PCSK5: variants seen among roughly 807,000 people sequenced by gnomAD.
PCSK5 encodes prohormone convertase 5.
A neutral mutation model predicts 233.2 loss-of-function variants in PCSK5; 129 were observed. The ratio of observed to expected loss-of-function variants is 0.55; its 90% CI spans 0.48 to 0.64. PCSK5 has a LOEUF of 0.64. Among genes scored for constraint, PCSK5 ranks in the 30% least tolerant of loss-of-function variants. The pLI is 0.00. For missense variants in PCSK5, 2,076 were observed against 2,430.1 expected (o/e 0.85, Z 3.06); for synonymous variants, 825 against 879.2 (o/e 0.94, Z 1.09).
intron 2 of PCSK5, among the ~76,000 whole-genome samples, chr9:75,955,783 G>A (rs1297442621): frequency 2.0e-5 from 3 of 152,066 alleles, no homozygotes; most frequent in Non-Finnish European, 2.9e-5. Context: ...ATACAAAGGA[G>A]TAAGTTTTTG....
intron 8 of PCSK5, among the ~76,000 whole-genome samples, chr9:76,103,974 C>T (rs1831873263): frequency 6.6e-6 from 1 of 152,086 alleles, no homozygotes; most frequent in African/African-American, 2.4e-5. Context: ...CTCTGTGTTC[C>T]CCACCCTATG....
intron 20 of PCSK5, among the ~76,000 whole-genome samples, chr9:76,215,514 C>T (rs1320594965): frequency 6.6e-6 from 1 of 152,120 alleles, no homozygotes; most frequent in Non-Finnish European, 1.5e-5. Context: ...TTGCTTGTTC[C>T]CTAGAGATGC....
chr9:76,193,241 G>A (rs775968230), intron 20 of PCSK5: 3 of 1,612,670 alleles, frequency 1.9e-6, no homozygotes, highest in Non-Finnish European at 2.5e-6. Flanking sequence ...GAAAAGCAAC[G>A]GAAGAGTCCT....
At chr9:76,228,115 G>A (rs942101867) in intron 21 of PCSK5, among the ~76,000 whole-genome samples, 14 of 151,724 alleles carry the variant, frequency 9.2e-5, no homozygotes, top group East Asian at 1.9e-4. Flanking sequence ...GATTATAGGC[G>A]CCCACCACCA....
intron 27 of PCSK5, among the ~76,000 whole-genome samples, chr9:76,301,519 T>A (rs568535110): frequency 1.3e-5 from 2 of 152,264 alleles, no homozygotes; most frequent in South Asian, 4.1e-4. Context: ...TGAATTACCA[T>A]CCATACAAAT....
intron 1 of PCSK5, among the ~76,000 whole-genome samples, chr9:75,911,272 T>C (rs1822727048): frequency 6.7e-6 from 1 of 149,422 alleles, no homozygotes; most frequent in Non-Finnish European, 1.5e-5. Context: ...AAATCTTATT[T>C]TGTTCAACCT....
intron 2 of PCSK5, among the ~76,000 whole-genome samples, chr9:75,965,823 G>C (rs545216377): frequency 7.4e-4 from 112 of 152,258 alleles, no homozygotes; most frequent in African/African-American, 2.5e-3. Flanking sequence ...CCAGTTGTTT[G>C]CTTTTTCAGT....
In PCSK5 at chr9:76,079,348, G is replaced by A. The variant is rs976560813; in HGVS notation, c.894+7450G>A. On this transcript the variant is annotated intron_variant, in intron 7 of 37. Transcript: ENST00000674117. Reference sequence around the variant, plus strand: ...CTGGGCATGTTTCACCATGTTGGCCGGGTTGGTCTCGAACTGCTGACCTCA... The same window carrying A: ...CTGGGCATGTTTCACCATGTTGGCCAGGTTGGTCTCGAACTGCTGACCTCA... Among the ~76,000 whole-genome samples, 11 of 151,758 alleles carry A rather than the reference G, an allele frequency of 7.2e-5. No individual in the cohort carries two copies. In the East Asian group the frequency reaches 9.7e-4, roughly 13 times the overall value.
chr9:75,900,010 T>G (rs1376056590), intron 1 of PCSK5, among the ~76,000 whole-genome samples: 2 of 152,148 alleles, frequency 1.3e-5, no homozygotes, highest in Non-Finnish European at 2.9e-5. Flanking sequence ...CACCAATGCT[T>G]GATTGAATAG....
chr9:76,358,556 G>A lies in PCSK5; in HGVS notation c.5298G>A (p.Glu1766=). Reference sequence around the variant, plus strand: ...CAAGCAAGGTTAGGCCTGCAACTGAGCATTTCAAGACAGCTCTGTTCATCA... The same window carrying A: ...CAAGCAAGGTTAGGCCTGCAACTGAACATTTCAAGACAGCTCTGTTCATCA... ...LRTSKVRPAT[E]HFKTALFITS... Residue 1766 remains glutamate (E), a synonymous_variant, in exon 38 of 38, where the codon GAG becomes GAA. Transcript: ENST00000674117. 1 of 1,612,732 alleles carries A rather than the reference G, an allele frequency of 6.2e-7. No individual in the cohort carries two copies. The highest frequency in any genetic ancestry group is 8.5e-7 in the Non-Finnish European group (1 of 1,179,822).
rs138070856 is a variant in PCSK5 at position 76,111,121 on chromosome 9, A to T, written c.1208+3770A>T. Among the ~76,000 whole-genome samples, 1,001 of 152,304 alleles carry T rather than the reference A, an allele frequency of 6.6e-3. 7 individuals are homozygous for T. Among genetic ancestry groups the T allele is most frequent in the African/African-American group, 0.022 (902 of 41,566 alleles). Reference sequence around the variant, plus strand: ...GTCTCTGTCTCAAAACAAAAAAAAAAGTAAAGAAAAGAAAAAAGAGAAATA... The same window carrying T: ...GTCTCTGTCTCAAAACAAAAAAAAATGTAAAGAAAAGAAAAAAGAGAAATA... On this transcript the variant is annotated intron_variant, in intron 9 of 37. Coordinates refer to ENST00000674117, the MANE Select transcript of PCSK5 (RefSeq NM_001372043.1).
intron 2 of PCSK5, among the ~76,000 whole-genome samples, chr9:75,964,515 C>A (rs1038472184): frequency 5.3e-5 from 8 of 152,166 alleles, no homozygotes; most frequent in Non-Finnish European, 1.2e-4. Flanking sequence ...AAAAAACATG[C>A]CAACAACGCA....
At chr9:76,079,636 C>A (rs2131617318) in intron 7 of PCSK5, among the ~76,000 whole-genome samples, 1 of 152,238 alleles carries the variant, frequency 6.6e-6, no homozygotes, top group South Asian at 2.1e-4. Context: ...ACTTCTTTTC[C>A]TACTTGGATG....
chr9:75,899,902 G>A (rs965250320), intron 1 of PCSK5, among the ~76,000 whole-genome samples: 1 of 152,190 alleles, frequency 6.6e-6, no homozygotes, highest in Non-Finnish European at 1.5e-5. Context: ...CCAGAAGAAA[G>A]GGTGCCTCCT....
At chr9:75,928,566 G>C in intron 1 of PCSK5, among the ~76,000 whole-genome samples, 1 of 138,902 alleles carries the variant, frequency 7.2e-6, no homozygotes, top group Non-Finnish European at 1.5e-5. Flanking sequence ...TAATAGATGA[G>C]AGACATAAAC....
At chr9:76,157,651 C>T (rs1822653826) in intron 11 of PCSK5, among the ~76,000 whole-genome samples, 1 of 151,834 alleles carries the variant, frequency 6.6e-6, no homozygotes, top group Non-Finnish European at 1.5e-5. Flanking sequence ...TCTTAGTAGG[C>T]TTATTAGTGT....
At chr9:76,041,035 TGATG>T (rs1829095548) in intron 5 of PCSK5, among the ~76,000 whole-genome samples, 1 of 152,238 alleles carries the variant, frequency 6.6e-6, no homozygotes, top group South Asian at 2.1e-4. Flanking sequence ...TGGAGTCTGC[TGATG>T]GATCTCACAG....
At chr9:76,037,708 TGAAAA>T (rs1398219226) in intron 5 of PCSK5, among the ~76,000 whole-genome samples, 1 of 152,142 alleles carries the variant, frequency 6.6e-6, no homozygotes, top group African/African-American at 2.4e-5. Flanking sequence ...GAAGAGCCTG[TGAAAA>T]TCAGAAACCT....
At chr9:76,311,518 T>C (rs1317300101) in intron 30 of PCSK5, among the ~76,000 whole-genome samples, 1 of 152,168 alleles carries the variant, frequency 6.6e-6, no homozygotes, top group Non-Finnish European at 1.5e-5. Context: ...AGTTATTTAT[T>C]GATTCCTCCT....
Sources: allele counts gnomAD v4.1 joint callset (sites outside exome capture counted in the v4.1 genomes callset), GRCh38; gene constraint gnomAD v4.1.1; transcripts MANE v1.5; gene names NCBI Gene and HGNC (gene_info 2026-07-23, HGNC 2026-07-21).